CCDC91: variants seen among roughly 807,000 people sequenced by gnomAD.
CCDC91 encodes the protein coiled-coil domain-containing protein 91.
CCDC91 carries 48 observed loss-of-function variants against 63.2 expected under a neutral mutation model. That is an observed-to-expected ratio of 0.76 (90% CI 0.60 to 0.97). The LOEUF is 0.97. Ranked by LOEUF, CCDC91 falls within the 50% of genes least tolerant of loss-of-function variation. The probability of loss-of-function intolerance (pLI) is 0.00; values close to 1 mark genes in which losing one functional copy is unlikely to be tolerated. For missense variants in CCDC91, 500 were observed against 494.6 expected, an observed-to-expected ratio of 1.01 and a Z score of -0.10; for synonymous variants, 167 against 165.8, an observed-to-expected ratio of 1.01 and a Z score of -0.06.
intron 12 of CCDC91, among the ~76,000 whole-genome samples, chr12:28,512,977 A>G (rs1244126910): frequency 6.6e-6 from 1 of 151,840 alleles, no homozygotes; most frequent in African/African-American, 2.4e-5. Context: ...ATGCTGTAAA[A>G]TTAAAAGATA....
At chr12:28,327,985 A>G (rs961624128) in intron 6 of CCDC91, among the ~76,000 whole-genome samples, 3 of 152,144 alleles carry the variant, frequency 2.0e-5, no homozygotes, top group East Asian at 3.9e-4. Context: ...TATGCTGGGT[A>G]ACAAAAAGAT....
intron 7 of CCDC91, among the ~76,000 whole-genome samples, chr12:28,375,559 C>T (rs1367788841): frequency 6.6e-6 from 1 of 151,820 alleles, no homozygotes; most frequent in Non-Finnish European, 1.5e-5. Context: ...AGAAAACAAA[C>T]AAAACTAACC....
At chr12:28,345,755 A>T (rs1942766754) in intron 6 of CCDC91, among the ~76,000 whole-genome samples, 1 of 152,216 alleles carries the variant, frequency 6.6e-6, no homozygotes, top group East Asian at 1.9e-4. Context: ...AACATACTTT[A>T]CAATATTTCT....
At chr12:28,460,819 A>G (rs907360075) in intron 11 of CCDC91, among the ~76,000 whole-genome samples, 12 of 151,914 alleles carry the variant, frequency 7.9e-5, no homozygotes, top group African/African-American at 2.9e-4. Context: ...GTGTATATAT[A>G]TATTTTTTAA....
At chr12:28,538,134 T>G (rs1942330102) in intron 12 of CCDC91, among the ~76,000 whole-genome samples, 1 of 151,874 alleles carries the variant, frequency 6.6e-6, no homozygotes, top group African/African-American at 2.4e-5. Flanking sequence ...TTTTTAAGTT[T>G]TAGGGTACAT....
At chr12:28,345,435 C>G (rs1339069040) in intron 6 of CCDC91, among the ~76,000 whole-genome samples, 1 of 151,886 alleles carries the variant, frequency 6.6e-6, no homozygotes, top group Non-Finnish European at 1.5e-5. Flanking sequence ...TGTTTTCTGA[C>G]CTTTTACTAC....
intron 1 of CCDC91, among the ~76,000 whole-genome samples, chr12:28,233,882 T>G (rs1479723210): frequency 6.6e-6 from 1 of 152,136 alleles, no homozygotes; most frequent in Non-Finnish European, 1.5e-5. Flanking sequence ...AAATATGTAT[T>G]GCTTAACTCT....
At chr12:28,353,652 G>T (rs890429388) in intron 6 of CCDC91, among the ~76,000 whole-genome samples, 1 of 152,164 alleles carries the variant, frequency 6.6e-6, no homozygotes, top group East Asian at 1.9e-4. Context: ...TTTTTCAGTC[G>T]AAACACATAC....
At chr12:28,533,530 CTTA>C (rs1033516415) in intron 12 of CCDC91, among the ~76,000 whole-genome samples, 2 of 151,930 alleles carry the variant, frequency 1.3e-5, no homozygotes, top group Non-Finnish European at 2.9e-5. Context: ...ACTTAAATTA[CTTA>C]TTATTGGTAA....
At chr12:28,220,022 A>C (rs970572506) in intron 1 of CCDC91, among the ~76,000 whole-genome samples, 31 of 152,198 alleles carry the variant, frequency 2.0e-4, no homozygotes, top group Admixed American at 5.9e-4. Context: ...TGTATGTGGC[A>C]TACAGTTGGG....
chr12:28,471,390 T>C (rs1269208487), intron 11 of CCDC91, among the ~76,000 whole-genome samples: 1 of 152,182 alleles, frequency 6.6e-6, no homozygotes, highest in East Asian at 1.9e-4. Context: ...ACCTCTCATA[T>C]GTTTTCAGGA....
chr12:28,336,828 G>A (rs1441800750), intron 6 of CCDC91, among the ~76,000 whole-genome samples: 2 of 152,004 alleles, frequency 1.3e-5, no homozygotes, highest in Non-Finnish European at 2.9e-5. Context: ...AGTAGTCCTT[G>A]CTAGAATGTC....
At chr12:28,547,666 A>T (rs1184656003) in intron 12 of CCDC91, among the ~76,000 whole-genome samples, 1 of 152,174 alleles carries the variant, frequency 6.6e-6, no homozygotes, top group Admixed American at 6.6e-5. Context: ...ATAAGCAGAA[A>T]TCTTACTTCT....
At chr12:28,312,952 G>T (rs1350787356) in intron 6 of CCDC91, among the ~76,000 whole-genome samples, 2 of 152,006 alleles carry the variant, frequency 1.3e-5, no homozygotes, top group Non-Finnish European at 2.9e-5. Context: ...AAGTTGCCTA[G>T]TCTCGGGTAT....
At chr12:28,504,002 G>C (rs934006120) in intron 12 of CCDC91, among the ~76,000 whole-genome samples, 1 of 151,796 alleles carries the variant, frequency 6.6e-6, no homozygotes, top group Non-Finnish European at 1.5e-5. Context: ...GAGTTAATGG[G>C]TACAGCACAC....
intron 8 of CCDC91, among the ~76,000 whole-genome samples, chr12:28,419,754 AT>A (rs34455320): frequency 0.46 from 67,626 of 146,106 alleles, 16,180 homozygotes; most frequent in East Asian, 0.61. Flanking sequence ...TTAAATTATC[AT>A]TTTTTTTTTT....
chr12:28,291,692 A>G (rs911484365), intron 3 of CCDC91, among the ~76,000 whole-genome samples: 4 of 152,186 alleles, frequency 2.6e-5, no homozygotes, highest in African/African-American at 9.7e-5. Context: ...GAAATGATTC[A>G]TTGTTGTTGC....
At chr12:28,393,072 A>G (rs1004419222) in intron 8 of CCDC91, among the ~76,000 whole-genome samples, 1 of 152,172 alleles carries the variant, frequency 6.6e-6, no homozygotes, top group African/African-American at 2.4e-5. Context: ...TTCATTTCCC[A>G]TGATTATCTT....
chr12:28,328,372 T>TA (rs748992705), intron 6 of CCDC91, among the ~76,000 whole-genome samples: 2 of 151,978 alleles, frequency 1.3e-5, no homozygotes, highest in South Asian at 2.1e-4. Flanking sequence ...AACTATAAAT[T>TA]AAAAAAAATC....
Sources: allele counts gnomAD v4.1 joint callset (sites outside exome capture counted in the v4.1 genomes callset), GRCh38; gene constraint gnomAD v4.1.1; transcripts MANE v1.5; gene names NCBI Gene and HGNC (gene_info 2026-07-23, HGNC 2026-07-21).